The following EMB variants were observed in gnomAD, a reference collection of about 807,000 sequenced individuals.
The protein encoded by EMB is embigin.
A neutral mutation model predicts 41.4 loss-of-function variants in EMB; 31 were observed. That is an observed-to-expected ratio of 0.75 (90% CI 0.56 to 1.01). EMB has a LOEUF of 1.01. Ranked by LOEUF, EMB falls within the 50% of genes least tolerant of loss-of-function variation. EMB has a pLI of 0.00. For synonymous variants in EMB, 137 were observed against 140.4 expected, an observed-to-expected ratio of 0.98 and a Z score of 0.17; for missense variants, 379 against 388.3, an observed-to-expected ratio of 0.98 and a Z score of 0.20.
At chr5:50,421,368 T>C (rs1426552515) in intron 2 of EMB, among the ~76,000 whole-genome samples, 1 of 152,210 alleles carries the variant, frequency 6.6e-6, no homozygotes, top group African/African-American at 2.4e-5. Flanking sequence ...CCAGTTAGAA[T>C]GGCCATCATT....
At chr5:50,419,938 C>T (rs577902168) in intron 2 of EMB, among the ~76,000 whole-genome samples, 1 of 152,216 alleles carries the variant, frequency 6.6e-6, no homozygotes, top group Admixed American at 6.5e-5. Context: ...AACAGAAAAC[C>T]AAATACCGCA....
chr5:50,428,109 T>G, intron 2 of EMB, 35 bp downstream of exon 2: 1 of 1,491,602 alleles, frequency 6.7e-7, no homozygotes, highest in East Asian at 2.3e-5. Context: ...AACCCTTTTT[T>G]TCGAATTGCA....
intron 1 of EMB, among the ~76,000 whole-genome samples, chr5:50,435,126 AT>A (rs1394554341): frequency 2.0e-5 from 3 of 152,200 alleles, no homozygotes; most frequent in Non-Finnish European, 4.4e-5. Context: ...AGGTAAACTA[AT>A]TATTTTTGTT....
chr5:50,407,673 G>C (rs1263238508), intron 4 of EMB, among the ~76,000 whole-genome samples: 1 of 151,914 alleles, frequency 6.6e-6, no homozygotes, highest in Non-Finnish European at 1.5e-5. Context: ...AACTATTCTG[G>C]GGTTCAGGGC....
intron 2 of EMB, chr5:50,412,130 A>G (rs957011838): frequency 6.6e-6 from 1 of 152,050 alleles, no homozygotes; most frequent in African/African-American, 2.4e-5. Flanking sequence ...GTAGTCTGAA[A>G]GGTTCTCAAT....
chr5:50,427,503 T>G (rs1324304662), intron 2 of EMB, among the ~76,000 whole-genome samples: 3 of 150,508 alleles, frequency 2.0e-5, no homozygotes, highest in Non-Finnish European at 4.4e-5. Context: ...ATTATTATTA[T>G]TATTATATTA....
chr5:50,430,247 A>G (rs889465542), intron 1 of EMB, among the ~76,000 whole-genome samples: 1 of 152,158 alleles, frequency 6.6e-6, no homozygotes, highest in African/African-American at 2.4e-5. Flanking sequence ...TGTTCTGTGA[A>G]GCCTGCAAAA....
At chr5:50,403,493 C>A in intron 5 of EMB, 39 bp from the exon 6 acceptor site, 3 of 1,592,448 alleles carry the variant, frequency 1.9e-6, no homozygotes, top group Non-Finnish European at 2.6e-6. Context: ...CCTATCATAG[C>A]ACATAAAAGA....
intron 1 of EMB, among the ~76,000 whole-genome samples, chr5:50,440,102 ACACACACACACATG>A (rs1422994291): frequency 1.3e-5 from 2 of 151,918 alleles, no homozygotes; most frequent in Admixed American, 1.3e-4. Context: ...TCTCACACAT[ACACACACACACATG>A]CACACACACA....
chr5:50,399,342 A>G (rs760866897), intron 8 of EMB, 52 bp from the exon 9 acceptor site: 1 of 1,598,112 alleles, frequency 6.3e-7, no homozygotes, highest in Non-Finnish European at 8.5e-7. Context: ...TGGTTATTTT[A>G]TAGTAACTTA....
intron 1 of EMB, among the ~76,000 whole-genome samples, chr5:50,437,743 T>C (rs1579747143): frequency 6.6e-6 from 1 of 152,062 alleles, no homozygotes; most frequent in East Asian, 1.9e-4. Context: ...GCTGCTGTGT[T>C]TGGGGTGAGA....
chr5:50,424,915 T>G (rs920645277), intron 2 of EMB, among the ~76,000 whole-genome samples: 12 of 152,204 alleles, frequency 7.9e-5, no homozygotes, highest in Non-Finnish European at 1.5e-4. Flanking sequence ...TCGCAGCCAC[T>G]GCCACTTGTG....
chr5:50,412,944 A>G (rs1052919041), intron 2 of EMB, among the ~76,000 whole-genome samples: 7 of 149,606 alleles, frequency 4.7e-5, no homozygotes, highest in African/African-American at 1.7e-4. Flanking sequence ...TGGTGTAAAA[A>G]AAAAAAGGGT....
At chr5:50,415,298 G>A (rs1745410766) in intron 2 of EMB, among the ~76,000 whole-genome samples, 1 of 152,028 alleles carries the variant, frequency 6.6e-6, no homozygotes, top group African/African-American at 2.4e-5. Flanking sequence ...AACTTTGGTT[G>A]GAGCAATTTA....
chr5:50,442,286 A>C (rs1745927835), upstream of EMB, among the ~76,000 whole-genome samples: 3 of 152,300 alleles, frequency 2.0e-5, no homozygotes, highest in South Asian at 6.2e-4. Context: ...TATTCCAGGC[A>C]GGAATGGTTA....
At chr5:50,420,443 C>T (rs913937952) in intron 2 of EMB, among the ~76,000 whole-genome samples, 7 of 152,336 alleles carry the variant, frequency 4.6e-5, no homozygotes, top group Middle Eastern at 3.4e-3. Flanking sequence ...GGAGTCAGTA[C>T]ATACATTTTG....
At chr5:50,438,048 AC>A (rs1467946791) in intron 1 of EMB, among the ~76,000 whole-genome samples, 2 of 152,178 alleles carry the variant, frequency 1.3e-5, no homozygotes, top group Non-Finnish European at 1.5e-5. Flanking sequence ...TGCAAATCAG[AC>A]ATTTAGATGC....
At chr5:50,427,778 C>G (rs958570618) in intron 2 of EMB, among the ~76,000 whole-genome samples, 2 of 152,136 alleles carry the variant, frequency 1.3e-5, no homozygotes, top group African/African-American at 4.8e-5. Context: ...ATTTCTCTGG[C>G]TAAAGGTTTT....
chr5:50,425,514 T>C (rs1476845266), intron 2 of EMB, among the ~76,000 whole-genome samples: 1 of 151,402 alleles, frequency 6.6e-6, no homozygotes, highest in African/African-American at 2.4e-5. Flanking sequence ...ACAAAAAAAA[T>C]ATATTGTGGT....
Sources: allele counts gnomAD v4.1 joint callset (sites outside exome capture counted in the v4.1 genomes callset), GRCh38; gene constraint gnomAD v4.1.1; transcripts MANE v1.5; gene names NCBI Gene and HGNC (gene_info 2026-07-23, HGNC 2026-07-21).